WDR72: variants seen among roughly 807,000 people sequenced by gnomAD.
WDR72 encodes WD repeat-containing protein 72.
Under a neutral mutation model 124.2 loss-of-function variants are expected in WDR72, and 120 were observed. The ratio of observed to expected loss-of-function variants is 0.97; its 90% CI spans 0.83 to 1.12. The LOEUF is 1.12. Ranked by LOEUF, WDR72 falls within the 50% of genes most tolerant of loss-of-function variation. The pLI, the probability that WDR72 is intolerant of heterozygous loss-of-function variation, is 0.00. For synonymous variants in WDR72, 452 were observed against 441.7 expected (o/e 1.02, Z -0.29); for missense variants, 1,387 against 1,278.8 (o/e 1.08, Z -1.29).
At position 53,516,664 on chromosome 15, in the gene WDR72, T is replaced by C. The variant is rs1891476079; in HGVS notation, c.*1035A>G. 1 of 152,044 alleles carries C rather than the reference T, an allele frequency of 6.6e-6. No individual in the cohort carries two copies. The highest frequency in any genetic ancestry group is 2.4e-5 in the African/African-American group (1 of 41,432). The allele number at this position is 152,044 out of a possible 1,614,324, so 9.4% of individuals were successfully genotyped here. A position where few individuals can be genotyped will look rare whatever the true frequency, so the allele number is the denominator to read the frequency against. The stretch of plus-strand genomic sequence containing the variant: ...GACTTGGACTTCCCTATTAGATACA[T>C]AGATAGATAGATATAGCTATATATC... On this transcript the variant is annotated 3_prime_UTR_variant, in exon 20 of 20. Coordinates refer to ENST00000360509, the MANE Select transcript of WDR72 (RefSeq NM_182758.4).
intron 18 of WDR72, among the ~76,000 whole-genome samples, chr15:53,586,133 A>C (rs2012201123): frequency 6.6e-6 from 1 of 152,032 alleles, no homozygotes; most frequent in African/African-American, 2.4e-5. Context: ...TGGGAAACAG[A>C]GCACCTAATA....
chr15:53,657,122 G>C (rs1196689649), intron 14 of WDR72, among the ~76,000 whole-genome samples: 2 of 151,758 alleles, frequency 1.3e-5, no homozygotes, highest in African/African-American at 4.8e-5. Context: ...AAATTAGCCG[G>C]TTGTGGTGGC....
intron 19 of WDR72, among the ~76,000 whole-genome samples, chr15:53,521,410 G>A (rs565344635): frequency 6.6e-6 from 1 of 152,184 alleles, no homozygotes; most frequent in African/African-American, 2.4e-5. Context: ...GAACTCTCCA[G>A]AGGTTTCTAG....
At chr15:53,691,196 C>T (rs967304003) in intron 13 of WDR72, among the ~76,000 whole-genome samples, 16 of 152,054 alleles carry the variant, frequency 1.1e-4, no homozygotes, top group African/African-American at 2.4e-4. Flanking sequence ...ACTACTGGCA[C>T]GTACCACTGT....
At chr15:53,718,809 C>CTTAAGATTTTTAAAAATTTTAAAAAT (rs2017788606) in intron 3 of WDR72, among the ~76,000 whole-genome samples, 3 of 82,568 alleles carry the variant, frequency 3.6e-5, no homozygotes, top group African/African-American at 1.2e-4. Flanking sequence ...ATTTTAAAAA[C>CTTAAGATTTTTAAAAATTTTAAAAAT]CTTAAGATTT....
Position 53,665,723 on chromosome 15 carries a change from A to C in WDR72, c.1811T>G (p.Leu604Arg). The change falls in exon 14 of 20, where the codon CTT becomes CGT. Residue 604 changes from leucine to arginine, a missense_variant. Physicochemically the swap from Leu to Arg is moderately radical, Grantham distance 102. Transcript: ENST00000360509. ...AAGCTGTGAATCATCACAACAATTA[A>C]GAATAATTCGTGCTCTTTCTCCTGT... ...HETGERARII[L>R]NCCDDSQLVK... 1 of 1,613,920 alleles carries C rather than the reference A, an allele frequency of 6.2e-7. No homozygotes were observed. The highest frequency in any genetic ancestry group is 8.5e-7 in the Non-Finnish European group (1 of 1,179,874).
At chr15:53,713,721 G>T (rs1057168397) in intron 6 of WDR72, among the ~76,000 whole-genome samples, 19 of 152,020 alleles carry the variant, frequency 1.2e-4, no homozygotes, top group Admixed American at 3.9e-4. Context: ...GCCTCCCAAA[G>T]TGCTGGGATT....
chr15:53,514,591 T>C lies in WDR72; in HGVS notation c.*3108A>G, dbSNP rs1891333787. ...ATCATCTAAAGATAGAATATTAATATTTAACAAACTGTATTCTACCATTTT... is the reference window on the plus strand; with the variant it reads ...ATCATCTAAAGATAGAATATTAATACTTAACAAACTGTATTCTACCATTTT... On this transcript the variant is annotated 3_prime_UTR_variant, in exon 20 of 20. Coordinates refer to ENST00000360509, the MANE Select transcript of WDR72 (RefSeq NM_182758.4). 1 of 152,142 alleles carries C rather than the reference T, an allele frequency of 6.6e-6. No individual in the cohort carries two copies. The highest frequency in any genetic ancestry group is 2.1e-4 in the South Asian group (1 of 4,828). The allele number at this position is 152,142 out of a possible 1,614,324, so 9.4% of individuals were successfully genotyped here. A position where few individuals can be genotyped will look rare whatever the true frequency, so the allele number is the denominator to read the frequency against.
intron 1 of WDR72, among the ~76,000 whole-genome samples, chr15:53,745,717 C>A (rs2018627226): frequency 6.6e-6 from 1 of 152,130 alleles, no homozygotes; most frequent in Non-Finnish European, 1.5e-5. Flanking sequence ...GACCTGTAGG[C>A]ATAGTAGGGT....
chr15:53,637,855 G>A (rs1222688586), intron 14 of WDR72, among the ~76,000 whole-genome samples: 1 of 152,122 alleles, frequency 6.6e-6, no homozygotes, highest in East Asian at 1.9e-4. Flanking sequence ...GTGAAAGTGT[G>A]AGTGAGACTC....
intron 18 of WDR72, among the ~76,000 whole-genome samples, chr15:53,529,323 C>A (rs1352696707): frequency 6.6e-6 from 1 of 151,698 alleles, no homozygotes; most frequent in Non-Finnish European, 1.5e-5. Flanking sequence ...AATAGTGTAA[C>A]CTTGGGCATG....
intron 17 of WDR72, among the ~76,000 whole-genome samples, chr15:53,599,573 T>C (rs2012948199): frequency 6.6e-6 from 1 of 152,072 alleles, no homozygotes; most frequent in Non-Finnish European, 1.5e-5. Flanking sequence ...AAATTAAGGA[T>C]ATTGGAGGAT....
At chr15:53,581,670 C>T (rs2011936147) in intron 18 of WDR72, among the ~76,000 whole-genome samples, 2 of 151,950 alleles carry the variant, frequency 1.3e-5, no homozygotes, top group South Asian at 4.2e-4. Context: ...ATGAAAAAAT[C>T]CTAACTCACT....
At chr15:53,706,360 A>ATATATATATGTGTGTG (rs1555426239) in intron 9 of WDR72, among the ~76,000 whole-genome samples, 11 of 42,470 alleles carry the variant, frequency 2.6e-4, no homozygotes, top group African/African-American at 9.7e-4. Context: ...GTATATATAT[A>ATATATATATGTGTGTG]TATATATATA....
chr15:53,761,014 C>T (rs376451924), upstream of WDR72, among the ~76,000 whole-genome samples: 3 of 152,044 alleles, frequency 2.0e-5, no homozygotes, highest in East Asian at 5.8e-4. Context: ...GTCGATGCTA[C>T]TCCAGAGACT....
At chr15:53,588,337 A>T (rs1200813556) in intron 18 of WDR72, among the ~76,000 whole-genome samples, 1 of 152,082 alleles carries the variant, frequency 6.6e-6, no homozygotes, top group Non-Finnish European at 1.5e-5. Flanking sequence ...TGGGAAAGAA[A>T]GGCAAATAAA....
chr15:53,733,246 T>C (rs1239054617), intron 1 of WDR72, 85 bp from the exon 2 acceptor site: 31 of 1,437,146 alleles, frequency 2.2e-5, no homozygotes, highest in Admixed American at 7.1e-5. Context: ...AGATTTATGA[T>C]GACCAAACTT....
chr15:53,553,550 C>G (rs910227536), intron 18 of WDR72, among the ~76,000 whole-genome samples: 3 of 152,072 alleles, frequency 2.0e-5, no homozygotes, highest in African/African-American at 7.2e-5. Context: ...GAGTAGAAAC[C>G]TAAACATTGG....
At chr15:53,640,254 C>T (rs1469972972) in intron 14 of WDR72, among the ~76,000 whole-genome samples, 1 of 152,074 alleles carries the variant, frequency 6.6e-6, no homozygotes, top group Non-Finnish European at 1.5e-5. Context: ...CATTTAAGCA[C>T]CTAATTACAA....
Sources: allele counts gnomAD v4.1 joint callset (sites outside exome capture counted in the v4.1 genomes callset), GRCh38; gene constraint gnomAD v4.1.1; transcripts MANE v1.5; gene names NCBI Gene and HGNC (gene_info 2026-07-23, HGNC 2026-07-21).